The following FHIT variants were observed in gnomAD, a reference collection of about 807,000 sequenced individuals.
The protein encoded by FHIT is fragile histidine triad diadenosine triphosphatase.
A neutral mutation model predicts 17.9 loss-of-function variants in FHIT; 19 were observed. The observed-to-expected ratio is 1.06, with a 90% CI of 0.74 to 1.56. The LOEUF is 1.56. Ranked by LOEUF, FHIT falls within the 40% of genes most tolerant of loss-of-function variation. The pLI, the probability that FHIT is intolerant of heterozygous loss-of-function variation, is 0.00. For missense variants in FHIT, 248 were observed against 189.2 expected, an observed-to-expected ratio of 1.31 and a Z score of -1.82; for synonymous variants, 81 against 69.7, an observed-to-expected ratio of 1.16 and a Z score of -0.81.
At chr3:60,955,449 T>C (rs144539440) in intron 3 of FHIT, among the ~76,000 whole-genome samples, 4 of 151,664 alleles carry the variant, frequency 2.6e-5, no homozygotes, top group African/African-American at 9.7e-5. Context: ...TATCAGGAGG[T>C]TCTAGAATAT....
intron 4 of FHIT, among the ~76,000 whole-genome samples, chr3:60,714,168 A>G (rs1373773600): frequency 6.6e-6 from 1 of 152,214 alleles, no homozygotes; most frequent in African/African-American, 2.4e-5. Flanking sequence ...TATAAACAGA[A>G]CCAAAGACAA....
intron 5 of FHIT, among the ~76,000 whole-genome samples, chr3:60,289,491 T>G (rs11916661): frequency 1.4e-3 from 206 of 152,276 alleles, no homozygotes; most frequent in African/African-American, 4.7e-3. Context: ...ATTCACCACA[T>G]TATTAAACAT....
At chr3:60,154,520 G>GC (rs1700598196) in intron 5 of FHIT, among the ~76,000 whole-genome samples, 28 of 152,222 alleles carry the variant, frequency 1.8e-4, no homozygotes, top group Admixed American at 1.6e-3. Flanking sequence ...GATGACAAGA[G>GC]GTATATTGCC....
chr3:60,369,080 C>G (rs1459092547), intron 5 of FHIT, among the ~76,000 whole-genome samples: 1 of 151,840 alleles, frequency 6.6e-6, no homozygotes, highest in African/African-American at 2.4e-5. Context: ...TCAAGCAATC[C>G]TCCCACCTCA....
Position 59,782,813 on chromosome 3 carries a change from T to C in FHIT, c.349-30492A>G, listed in dbSNP as rs544322963. ...TATTTATCTTTCTGGCATTTTTTTT[T>C]CCCCCAGGAAAAAGTAATCATCACT... On this transcript the variant is annotated intron_variant, in intron 8 of 9. Coordinates refer to ENST00000492590, the MANE Select transcript of FHIT (RefSeq NM_002012.4). 3.4e-4 allele frequency among the ~76,000 whole-genome samples: 51 copies of C among 151,898 alleles called. No homozygotes were observed. In the South Asian group the frequency reaches 8.6e-3, roughly 25 times the overall value.
At chr3:60,921,878 T>C (rs765106825) in intron 3 of FHIT, among the ~76,000 whole-genome samples, 3 of 152,216 alleles carry the variant, frequency 2.0e-5, no homozygotes, top group Non-Finnish European at 4.4e-5. Context: ...CCCCTGATCA[T>C]GCCAAGACAT....
At chr3:61,118,044 C>T (rs2036351265) in intron 2 of FHIT, among the ~76,000 whole-genome samples, 1 of 152,100 alleles carries the variant, frequency 6.6e-6, no homozygotes, top group Non-Finnish European at 1.5e-5. Context: ...TAAGGAGAAA[C>T]TGATTCTATC....
intron 5 of FHIT, among the ~76,000 whole-genome samples, chr3:60,307,019 C>T (rs992796147): frequency 2.0e-5 from 3 of 152,104 alleles, no homozygotes; most frequent in Non-Finnish European, 4.4e-5. Flanking sequence ...TCTGTGTATT[C>T]TTTAGACTTC....
At chr3:60,719,787 A>C (rs2041768445) in intron 4 of FHIT, among the ~76,000 whole-genome samples, 1 of 152,162 alleles carries the variant, frequency 6.6e-6, no homozygotes, top group East Asian at 1.9e-4. Context: ...GATGGCATTC[A>C]TCGTCTACTC....
intron 3 of FHIT, among the ~76,000 whole-genome samples, chr3:60,830,369 T>G (rs1264622480): frequency 6.6e-6 from 1 of 152,130 alleles, no homozygotes; most frequent in Non-Finnish European, 1.5e-5. Flanking sequence ...ATGATTTTCA[T>G]TGTAAAGCAG....
At chr3:60,211,789 C>A (rs1402333670) in intron 5 of FHIT, among the ~76,000 whole-genome samples, 5 of 152,118 alleles carry the variant, frequency 3.3e-5, no homozygotes, top group Non-Finnish European at 5.9e-5. Context: ...GGCATTCTGA[C>A]TGGGGAAAAC....
chr3:60,601,049 G>C (rs1287011163), intron 4 of FHIT, among the ~76,000 whole-genome samples: 1 of 152,140 alleles, frequency 6.6e-6, no homozygotes, highest in East Asian at 1.9e-4. Context: ...GCAGAGGCTG[G>C]AAGGGTCCCC....
chr3:60,679,456 A>G (rs187980709), intron 4 of FHIT, among the ~76,000 whole-genome samples: 25 of 152,248 alleles, frequency 1.6e-4, no homozygotes, highest in African/African-American at 5.8e-4. Flanking sequence ...TCTTATTTAT[A>G]TATTTGCCTT....
intron 8 of FHIT, among the ~76,000 whole-genome samples, chr3:59,866,862 G>A (rs569714320): frequency 8.5e-5 from 13 of 152,142 alleles, no homozygotes; most frequent in African/African-American, 2.6e-4. Context: ...ACCGGCAATC[G>A]CATTCTTGCT....
chr3:60,176,156 AGCCT>A (rs1279641619), intron 5 of FHIT, among the ~76,000 whole-genome samples: 1 of 152,236 alleles, frequency 6.6e-6, no homozygotes, highest in East Asian at 1.9e-4. Flanking sequence ...GTTAGAGACC[AGCCT>A]GGCCAACATG....
chr3:60,235,814 T>C (rs1198977413), intron 5 of FHIT, among the ~76,000 whole-genome samples: 1 of 152,120 alleles, frequency 6.6e-6, no homozygotes. Flanking sequence ...GAAGGTTCAA[T>C]AAATGGAAGC....
chr3:59,938,035 C>T (rs1307397154), intron 7 of FHIT, among the ~76,000 whole-genome samples: 1 of 152,146 alleles, frequency 6.6e-6, no homozygotes, highest in Non-Finnish European at 1.5e-5. Flanking sequence ...TGCAAGGGTT[C>T]TACCCAGATG....
At chr3:60,957,558 C>G (rs1709232778) in intron 3 of FHIT, among the ~76,000 whole-genome samples, 1 of 152,286 alleles carries the variant, frequency 6.6e-6, no homozygotes, top group Admixed American at 6.5e-5. Context: ...CTGTCCACAG[C>G]CAAAACATCC....
chr3:60,869,050 C>A (rs997909138), intron 3 of FHIT, among the ~76,000 whole-genome samples: 1 of 152,152 alleles, frequency 6.6e-6, no homozygotes, highest in Non-Finnish European at 1.5e-5. Flanking sequence ...AAGGAACCAA[C>A]CTCAGATTGG....
Sources: gnomAD v4.1 joint callset for allele counts (sites outside exome capture counted in the v4.1 genomes callset) on GRCh38, gnomAD v4.1.1 for gene constraint, MANE v1.5 for transcripts, NCBI Gene and HGNC (gene_info 2026-07-23, HGNC 2026-07-21) for gene names.